The following ZNF282 variants were observed in gnomAD, a reference collection of about 807,000 sequenced individuals.
ZNF282 encodes the protein zinc finger protein 282.
In ZNF282, 30 loss-of-function variants were observed where a neutral mutation model predicts 61.9. That is an observed-to-expected ratio of 0.48 (90% CI 0.36 to 0.66). The LOEUF (loss-of-function observed/expected upper bound fraction) is 0.66. Among genes scored for constraint, ZNF282 ranks in the 30% least tolerant of loss-of-function variants. The pLI is 0.00. For missense variants in ZNF282, 788 were observed against 941.4 expected, an observed-to-expected ratio of 0.84 and a Z score of 2.13; for synonymous variants, 396 against 405.0, an observed-to-expected ratio of 0.98 and a Z score of 0.27.
At chr7:149,217,827 A>C (rs1796182971) in intron 7 of ZNF282, among the ~76,000 whole-genome samples, 1 of 152,126 alleles carries the variant, frequency 6.6e-6, no homozygotes, top group Admixed American at 6.5e-5. Context: ...AGAGAAGACC[A>C]AGAAGAGGGA....
chr7:149,219,930 G>A (rs905804122), intron 7 of ZNF282, among the ~76,000 whole-genome samples: 4 of 152,174 alleles, frequency 2.6e-5, no homozygotes, highest in Admixed American at 6.5e-5. Context: ...TGAAGAAGTG[G>A]TAAGGGCAAG....
At chr7:149,208,848 G>A (rs1328143083) in intron 4 of ZNF282, among the ~76,000 whole-genome samples, 1 of 150,604 alleles carries the variant, frequency 6.6e-6, no homozygotes, top group African/African-American at 2.4e-5. Flanking sequence ...GAGAAACCCC[G>A]TCCCTACTAA....
intron 3 of ZNF282, 137 bp downstream of exon 3, chr7:149,206,959 T>A: frequency 8.0e-7 from 1 of 1,242,584 alleles, no homozygotes; most frequent in Non-Finnish European, 1.1e-6. Context: ...CATTTGCTTA[T>A]AATGCTAGTA....
At position 149,207,433 on chromosome 7, in the gene ZNF282, C is replaced by A; in HGVS notation, c.795C>A (p.His265Gln). The change falls in exon 4 of 8, where the codon CAC becomes CAA. Residue 265 changes from histidine to glutamine, a missense_variant. By Grantham distance (24) the His-to-Gln change is conservative. Around this residue, in one of 3 missense-constraint regions of ZNF282, gnomAD observed 559 missense variants for 642.0 expected, o/e 0.87. Transcript: ENST00000610704. The stretch of plus-strand genomic sequence containing the variant: ...AACCTTGTGTGTGGGAGCAGCGCCA[C>A]CCCGAAGAGAGAGAAATCCCAATGG... ...REEPCVWEQR[H>Q]PEEREIPMDP... 1 of 1,565,614 alleles carries A rather than the reference C, an allele frequency of 6.4e-7. No homozygotes were observed. Among genetic ancestry groups the A allele is most frequent in the East Asian group, 2.4e-5 (1 of 42,458 alleles).
At chr7:149,207,557 C>T in intron 4 of ZNF282, 87 bp downstream of exon 4, 2 of 1,522,242 alleles carry the variant, frequency 1.3e-6, no homozygotes, top group Non-Finnish European at 1.8e-6. Flanking sequence ...CGAGGCGCCA[C>T]TGTGTGTGCA....
Position 149,224,543 on chromosome 7 carries a change from A to G in ZNF282, c.1912A>G (p.Ser638Gly). ...RPYTCGECGK[S>G]FRYKESLKDH... ...CTACACGTGCGGCGAGTGCGGCAAG[A>G]GCTTCCGCTACAAGGAGTCGCTCAA... Residue 638 changes from serine to glycine, a missense_variant, in exon 8 of 8, where the codon AGC (serine) becomes GGC (glycine). Physicochemically the swap from Ser to Gly is moderately conservative, Grantham distance 56 (BLOSUM62 0). Coordinates refer to ENST00000610704, the MANE Select transcript of ZNF282 (RefSeq NM_003575.4). 6.2e-7 allele frequency: 1 copy of G among 1,610,284 alleles called. No individual in the cohort carries two copies. The highest frequency in any genetic ancestry group is 8.5e-7 in the Non-Finnish European group (1 of 1,179,616).
intron 6 of ZNF282, among the ~76,000 whole-genome samples, chr7:149,212,871 C>T (rs987668855): frequency 1.7e-4 from 26 of 152,154 alleles, no homozygotes; most frequent in East Asian, 1.9e-4. Context: ...CATGAGCCAC[C>T]GCGTCCGGCC....
At chr7:149,219,138 A>G (rs1402013463) in intron 7 of ZNF282, among the ~76,000 whole-genome samples, 1 of 152,146 alleles carries the variant, frequency 6.6e-6, no homozygotes. Flanking sequence ...CTCAAACCCT[A>G]AACCTTTAGT....
intron 1 of ZNF282, among the ~76,000 whole-genome samples, chr7:149,197,042 G>A (rs895597255): frequency 6.6e-6 from 1 of 152,230 alleles, no homozygotes; most frequent in Non-Finnish European, 1.5e-5. Context: ...TCGGCTGCCA[G>A]CCCATGTGGT....
Position 149,224,921 on chromosome 7 carries a change from T to G in ZNF282, c.*274T>G. On this transcript the variant is annotated 3_prime_UTR_variant, in exon 8 of 8. Transcript: ENST00000610704. ...GGCACCGCCCTCACACCTCCTCGAG[T>G]GCCCTGGGACCACTGGGCCACAGAT... is the stretch of plus-strand genomic sequence containing the variant. 6 of 479,962 alleles carry G rather than the reference T, an allele frequency of 1.3e-5. No individual in the cohort carries two copies. Among genetic ancestry groups the G allele is most frequent in the African/African-American group, 2.0e-5 (1 of 51,230 alleles). The allele number at this position is 479,962 out of a possible 1,614,324, so 29.7% of individuals were successfully genotyped here.
At position 149,198,348 on chromosome 7, in the gene ZNF282, A is replaced by C; in HGVS notation, c.181A>C (p.Met61Leu). The change falls in exon 2 of 8, where the codon ATG (methionine) becomes CTG (leucine). Residue 61 changes from methionine (M) to leucine (L), a missense_variant. Met to Leu is a conservative substitution (Grantham distance 15). Transcript: ENST00000610704. This position sits in a 1 kb window ranked among gnomAD's most constrained non-coding sequence, Gnocchi z 4.3. ...CTGCATACAGGCTCAAGAATGGGAC[A>C]TGGACGCCCGGCGGCCAATGCCTTT... Reference protein sequence around the residue: ...MPPMQAQEWDMDARRPMPFQF... With the variant: ...MPPMQAQEWDLDARRPMPFQF... 1.9e-6 allele frequency: 3 copies of C among 1,610,082 alleles called. No homozygotes were observed. Among genetic ancestry groups the C allele is most frequent in the South Asian group, 2.2e-5 (2 of 90,502 alleles).
At chr7:149,206,453 T>C (rs1217403790) in intron 2 of ZNF282, among the ~76,000 whole-genome samples, 1 of 152,148 alleles carries the variant, frequency 6.6e-6, no homozygotes, top group African/African-American at 2.4e-5. Context: ...AAAAGTGAAA[T>C]AACAATGGAT....
In ZNF282 at chr7:149,212,489, A is replaced by G. The variant is rs1256370533; in HGVS notation, c.1066+18A>G. 2.5e-6 allele frequency: 4 copies of G among 1,569,842 alleles called. No homozygotes were observed. The African/African-American group carries it at 5.4e-5, about 21-fold the overall frequency. Reference sequence around the variant, plus strand: ...CAATTCAGGTGAGAACAAGGTCAGAATGAATCTTGAGGGCAACAAGTGTTT... The same window carrying G: ...CAATTCAGGTGAGAACAAGGTCAGAGTGAATCTTGAGGGCAACAAGTGTTT... On this transcript the variant is annotated intron_variant, in intron 6 of 7. Coordinates refer to ENST00000610704, the MANE Select transcript of ZNF282 (RefSeq NM_003575.4).
rs748326577 is a variant in ZNF282, at chr7:149,224,734, G to A, written c.*87G>A. 5.9e-5 allele frequency: 85 copies of A among 1,437,998 alleles called. No homozygotes were observed. The highest frequency in any genetic ancestry group is 7.4e-5 in the Non-Finnish European group (82 of 1,101,408). 89.1% of individuals were successfully genotyped at this position (1,437,998 alleles called of 1,614,324 possible). A position where few individuals can be genotyped will look rare whatever the true frequency, so the allele number is the denominator to read the frequency against. On this transcript the variant is annotated 3_prime_UTR_variant, in exon 8 of 8. Coordinates refer to ENST00000610704, the MANE Select transcript of ZNF282 (RefSeq NM_003575.4). ...ACCTTGCCGGGTGTCCTCAGCCACC[G>A]TCTGGAAATCGGCAACAGGCATTGC... is the stretch of plus-strand genomic sequence containing the variant.
chr7:149,218,118 A>AG (rs1193705543), intron 7 of ZNF282, among the ~76,000 whole-genome samples: 3 of 151,292 alleles, frequency 2.0e-5, no homozygotes, highest in African/African-American at 7.3e-5. Flanking sequence ...AAAAAAAAAA[A>AG]AAGAGAGAGA....
intron 7 of ZNF282, among the ~76,000 whole-genome samples, chr7:149,220,270 G>C (rs771872249): frequency 1.3e-5 from 2 of 152,044 alleles, no homozygotes; most frequent in African/African-American, 4.8e-5. Flanking sequence ...TTAGCCTGGC[G>C]TAGTCGTGGT....
chr7:149,223,787 A>C (rs759865322), intron 7 of ZNF282, 25 bp from the exon 8 acceptor site: 2 of 1,478,132 alleles, frequency 1.4e-6, no homozygotes, highest in Admixed American at 4.9e-5. Flanking sequence ...CCCTGTCAGC[A>C]TGTCACTTCT....
At position 149,224,883 on chromosome 7, in the gene ZNF282, C is replaced by G. The variant is rs892982188; in HGVS notation, c.*236C>G. Reference sequence around the variant, plus strand: ...GAAGAGCCAGGGGGACCGCGAGGAGCCGAGCGTCCTCGGGCACCGCCCTCA... The same window carrying G: ...GAAGAGCCAGGGGGACCGCGAGGAGGCGAGCGTCCTCGGGCACCGCCCTCA... On this transcript the variant is annotated 3_prime_UTR_variant, in exon 8 of 8. Coordinates refer to ENST00000610704, the MANE Select transcript of ZNF282 (RefSeq NM_003575.4). 3 of 707,258 alleles carry G rather than the reference C, an allele frequency of 4.2e-6. No homozygotes were observed. The African/African-American group carries it at 5.4e-5, about 13-fold the overall frequency. The allele number at this position is 707,258 out of a possible 1,614,324, so 43.8% of individuals were successfully genotyped here.
chr7:149,195,785 G>C, intron 1 of ZNF282, 31 bp downstream of exon 1: 5 of 1,464,126 alleles, frequency 3.4e-6, no homozygotes, highest in Non-Finnish European at 4.5e-6. Context: ...CCATGGCCGC[G>C]CTGCCGTGGG....
Sources: allele counts gnomAD v4.1 joint callset (sites outside exome capture counted in the v4.1 genomes callset), GRCh38; gene constraint gnomAD v4.1.1; regional missense constraint gnomAD v4.1.1; non-coding constraint Gnocchi (gnomAD v3.1); transcripts MANE v1.5; gene names NCBI Gene and HGNC (gene_info 2026-07-23, HGNC 2026-07-21).